The following CLEC17A variants were observed in gnomAD, a reference collection of about 807,000 sequenced individuals.
The protein encoded by CLEC17A is C-type lectin domain family 17, member A.
In CLEC17A, 37 loss-of-function variants were observed where a neutral mutation model predicts 61.3. The ratio of observed to expected loss-of-function variants is 0.60; its 90% confidence interval spans 0.46 to 0.79. The LOEUF (loss-of-function observed/expected upper bound fraction) is 0.79. CLEC17A is among the 30% of genes least tolerant of loss of function. CLEC17A has a pLI of 0.00. For synonymous variants in CLEC17A, 168 were observed against 164.9 expected (o/e 1.02, Z -0.14); for missense variants, 418 against 464.7 (o/e 0.90, Z 0.92).
At chr19:14,584,482 G>C (rs115685375) in intron 2 of CLEC17A, 7,227 of 152,184 alleles carry the variant, frequency 0.047, 200 homozygotes, top group Middle Eastern at 0.058. Context: ...GAGAGATCCC[G>C]GAGGCCCAAA....
chr19:14,582,626 G>A (rs780005242), upstream of CLEC17A, among the ~76,000 whole-genome samples: 27 of 151,392 alleles, frequency 1.8e-4, no homozygotes, highest in Non-Finnish European at 3.2e-4. Context: ...TTTATTTATT[G>A]AGACAGAGTC....
At chr19:14,591,142 T>C (rs2074404033) in intron 3 of CLEC17A, among the ~76,000 whole-genome samples, 1 of 151,740 alleles carries the variant, frequency 6.6e-6, no homozygotes. Context: ...TCATAGTTTC[T>C]TCTTTTTCCT....
intron 12 of CLEC17A, 59 bp downstream of exon 12, chr19:14,600,241 G>T (rs2074670255): frequency 1.9e-6 from 3 of 1,586,652 alleles, no homozygotes; most frequent in Non-Finnish European, 1.7e-6. Flanking sequence ...TCTCTTCCAG[G>T]ATGCACACAT....
upstream of CLEC17A, among the ~76,000 whole-genome samples, chr19:14,582,610 AATTT>A (rs1234421871): frequency 1.3e-5 from 2 of 151,230 alleles, no homozygotes; most frequent in African/African-American, 4.9e-5. Flanking sequence ...TTAAAAAATT[AATTT>A]ATTTATTTAT....
chr19:14,608,843 G>A (rs1367402066), intron 13 of CLEC17A, among the ~76,000 whole-genome samples: 7 of 145,260 alleles, frequency 4.8e-5, no homozygotes, highest in Non-Finnish European at 9.0e-5. Flanking sequence ...TCTGTGGCCC[G>A]AGCTGTAGTG....
chr19:14,586,575 C>T (rs910799276), intron 2 of CLEC17A, among the ~76,000 whole-genome samples: 2 of 149,582 alleles, frequency 1.3e-5, no homozygotes, highest in African/African-American at 2.6e-5. Context: ...GTGTGCACCA[C>T]CATGCCTGGA....
intron 10 of CLEC17A, among the ~76,000 whole-genome samples, chr19:14,598,304 T>TTCTTTCTCTC (rs1555746763): frequency 2.7e-5 from 4 of 149,114 alleles, no homozygotes; most frequent in African/African-American, 9.9e-5. Flanking sequence ...TGTTCTTTCT[T>TTCTTTCTCTC]TCTCTCTCTC....
chr19:14,606,931 C>A (rs2074893151), intron 12 of CLEC17A, 62 bp from the exon 13 acceptor site: 4 of 806,780 alleles, frequency 5.0e-6, no homozygotes, highest in South Asian at 5.3e-5. Context: ...GGGCACAGGG[C>A]AGGTCCTCAC....
intron 2 of CLEC17A, among the ~76,000 whole-genome samples, chr19:14,583,905 G>A (rs951376043): frequency 6.6e-6 from 1 of 151,956 alleles, no homozygotes; most frequent in African/African-American, 2.4e-5. Context: ...CATAGCACAG[G>A]GTTCAACAAG....
upstream of CLEC17A, among the ~76,000 whole-genome samples, chr19:14,582,447 C>T (rs954511231): frequency 2.6e-5 from 4 of 151,988 alleles, no homozygotes; most frequent in South Asian, 2.1e-4. Context: ...CTCCTGACCT[C>T]GTGATCTGCC....
At position 14,595,356 on chromosome 19, in the gene CLEC17A, A is replaced by G. The variant is rs369612439; in HGVS notation, c.445+41A>G. The G allele has an allele frequency of 2.6e-3, 4,185 of 1,608,806 alleles. 124 individuals are homozygous for G. In the South Asian group the frequency reaches 0.042, roughly 16 times the overall value. ...TTTCCCCTCTGACAGTGGCTAGTGT[A>G]TCTGATTGAGACCTATGGCTCTACA... On this transcript the variant is annotated intron_variant, in intron 8 of 13. Transcript: ENST00000417570.
chr19:14,605,316 G>A lies in CLEC17A; in HGVS notation c.895-1677G>A, dbSNP rs779735873. ...TTGCCACGTTGGCCAAGCTGGTCTC[G>A]AACTCCTGACCTCAGGTGATCCACC... is the stretch of plus-strand genomic sequence containing the variant. On this transcript the variant is annotated intron_variant, in intron 12 of 13. Coordinates refer to ENST00000417570, the MANE Select transcript of CLEC17A (RefSeq NM_001204118.2). Among the ~76,000 whole-genome samples the A allele has an allele frequency of 2.1e-4, 31 of 150,980 alleles. 1 individual carries two copies. The highest frequency in any genetic ancestry group is 4.3e-4 in the Non-Finnish European group (29 of 67,836).
chr19:14,606,105 T>C (rs2074859619), intron 12 of CLEC17A, among the ~76,000 whole-genome samples: 1 of 152,066 alleles, frequency 6.6e-6, no homozygotes, highest in South Asian at 2.1e-4. Context: ...CCTGGAACAA[T>C]GAATTCTTAT....
chr19:14,605,878 A>G (rs2074852355), intron 12 of CLEC17A, among the ~76,000 whole-genome samples: 1 of 152,064 alleles, frequency 6.6e-6, no homozygotes, highest in Admixed American at 6.6e-5. Flanking sequence ...AGCTGGGACT[A>G]TAGACACGCA....
At chr19:14,600,327 G>A (rs759483093) in intron 12 of CLEC17A, 145 bp downstream of exon 12, 46 of 997,692 alleles carry the variant, frequency 4.6e-5, no homozygotes, top group Admixed American at 1.9e-4. Flanking sequence ...CTCTTCCTAA[G>A]GTAGTATCAT....
intron 9 of CLEC17A, 26 bp downstream of exon 9, chr19:14,597,039 G>A (rs774523410): frequency 3.7e-6 from 6 of 1,610,900 alleles, no homozygotes; most frequent in Non-Finnish European, 5.1e-6. Flanking sequence ...AAGGGACATG[G>A]GGAGAGATTG....
intron 1 of CLEC17A, 75 bp downstream of exon 1, chr19:14,583,278 C>T: frequency 1.2e-6 from 2 of 1,612,756 alleles, no homozygotes; most frequent in Non-Finnish European, 1.7e-6. Context: ...CACCATGGGG[C>T]AGCTGAGGCA....
chr19:14,600,888 CTTCTTTTTTT>C lies in CLEC17A; in HGVS notation c.894+709_894+718del, dbSNP rs1387271693. On this transcript the variant is annotated intron_variant, in intron 12 of 13. Transcript: ENST00000417570. ...ACAGGCGTGAGCCACCACGCTCGGC[CTTCTTTTTTT>C]TTTTTTTTTTTTTTTTTTTTTTGAG... 4.3e-5 allele frequency among the ~76,000 whole-genome samples: 5 copies of C among 116,054 alleles called. 1 individual carries two copies. In the East Asian group the frequency reaches 1.2e-3, roughly 28 times the overall value. The allele number at this position is 116,054 out of a possible 152,430, so 76.1% of individuals were successfully genotyped here. A position where few individuals can be genotyped will look rare whatever the true frequency, so the allele number is the denominator to read the frequency against.
chr19:14,583,763 C>A (rs2074222234), intron 2 of CLEC17A, among the ~76,000 whole-genome samples: 1 of 152,018 alleles, frequency 6.6e-6, no homozygotes, highest in African/African-American at 2.4e-5. Context: ...CAGGAGAGAA[C>A]AGTTAGGTGC....
Sources: gnomAD v4.1 joint callset for allele counts (sites outside exome capture counted in the v4.1 genomes callset) on GRCh38, gnomAD v4.1.1 for gene constraint, MANE v1.5 for transcripts, NCBI Gene and HGNC (gene_info 2026-07-23, HGNC 2026-07-21) for gene names.